Variants in ASXL1 observed in about 807,000 individuals in gnomAD.
ASXL1 encodes polycomb group protein ASXL1.
Under a neutral mutation model 89.1 loss-of-function variants are expected in ASXL1, and 65 were observed. The ratio of observed to expected loss-of-function variants is 0.73; its 90% CI spans 0.60 to 0.90. The LOEUF is 0.90. Among genes scored for constraint, ASXL1 ranks in the 40% least tolerant of loss-of-function variants. ASXL1 has a pLI of 0.00. For missense variants in ASXL1, 1,786 were observed against 1,942.9 expected (o/e 0.92, Z 1.52); for synonymous variants, 739 against 746.9 (o/e 0.99, Z 0.17).
intron 4 of ASXL1, among the ~76,000 whole-genome samples, chr20:32,418,187 A>G (rs1035566033): frequency 1.3e-5 from 2 of 151,816 alleles, no homozygotes; most frequent in Non-Finnish European, 2.9e-5. Flanking sequence ...CAAAAAAATA[A>G]TAATAATAAA....
chr20:32,377,972 CTGTG>C lies in ASXL1; in HGVS notation c.252+8877_252+8880del, dbSNP rs112878923. ...CTGGCCCCAAAATAAAGTTTTGACT[CTGTG>C]TGTGTGTGTGTGTGTGTGTGTGTGT... On this transcript the variant is annotated intron_variant, in intron 4 of 12. Coordinates refer to ENST00000375687, the MANE Select transcript of ASXL1 (RefSeq NM_015338.6). 7.8e-5 allele frequency among the ~76,000 whole-genome samples: 9 copies of C among 115,340 alleles called. No individual in the cohort carries two copies. The East Asian group carries it at 1.2e-3, about 16-fold the overall frequency. The allele number at this position is 115,340 out of a possible 152,430, so 75.7% of individuals were successfully genotyped here.
chr20:32,425,462 T>A (rs1329341474), intron 4 of ASXL1, among the ~76,000 whole-genome samples: 1 of 152,234 alleles, frequency 6.6e-6, no homozygotes, highest in African/African-American at 2.4e-5. Flanking sequence ...GTTTTCAGTG[T>A]ACTTGTTCTA....
chr20:32,415,831 G>C (rs2049129133), intron 4 of ASXL1, among the ~76,000 whole-genome samples: 1 of 151,842 alleles, frequency 6.6e-6, no homozygotes, highest in African/African-American at 2.4e-5. Flanking sequence ...TCATTCTAGT[G>C]AACCCTCAGG....
In ASXL1 at chr20:32,433,605, ATCCTCTGCAGCACCCGACCTGGAGGG is replaced by A; in HGVS notation, c.1411_1436del (p.Ser471ArgfsTer5). ...TGAGCAGTCCCCATCTGCCAGGCACATCCTCTGCAGCACCCGACCTGGAGGGTCCCGAATTCCCAGTTGAGTCTGTG... is the reference window on the plus strand; with the variant it reads ...TGAGCAGTCCCCATCTGCCAGGCACATCCCGAATTCCCAGTTGAGTCTGTG... On this transcript the variant is annotated frameshift_variant, in exon 12 of 13. Transcript: ENST00000375687. LOFTEE classifies it high-confidence loss of function. 6.2e-7 allele frequency: 1 copy of A among 1,614,106 alleles called. No homozygotes were observed. Among genetic ancestry groups the A allele is most frequent in the Non-Finnish European group, 8.5e-7 (1 of 1,179,978 alleles).
At position 32,435,076 on chromosome 20, in the gene ASXL1, A is replaced by G. The variant is rs778794414; in HGVS notation, c.2364A>G (p.Glu788=). The G allele has an allele frequency of 1.2e-6, 2 of 1,613,962 alleles. No homozygotes were observed. Among genetic ancestry groups the G allele is most frequent in the Non-Finnish European group, 1.7e-6 (2 of 1,180,040 alleles). The change falls in exon 13 of 13, where the codon GAA becomes GAG. Residue 788 remains glutamate, a synonymous_variant. Transcript: ENST00000375687. The part of the protein sequence containing the change: ...QPQLHPDVRT[E]CESGTTSWES... ...AGTTGCATCCGGATGTTAGAACTGAATGTGAGTCTGGCACCACTTCCTGGG... is the reference window on the plus strand; with the variant it reads ...AGTTGCATCCGGATGTTAGAACTGAGTGTGAGTCTGGCACCACTTCCTGGG...
Position 32,435,534 on chromosome 20 carries a change from C to T in ASXL1, c.2822C>T (p.Pro941Leu). ...GCTGCTCCCACCCCTCCTGCATTGCCTGGGGATTTGACAGCTGAGGAGGGT... is the reference window on the plus strand; with the variant it reads ...GCTGCTCCCACCCCTCCTGCATTGCTTGGGGATTTGACAGCTGAGGAGGGT... Reference protein sequence around the residue: ...EKAAPTPPALPGDLTAEEGLD... With the variant: ...EKAAPTPPALLGDLTAEEGLD... Residue 941 changes from proline (P) to leucine (L), a missense_variant, in exon 13 of 13, where the codon CCT becomes CTT. Coordinates refer to ENST00000375687, the MANE Select transcript of ASXL1 (RefSeq NM_015338.6). 1 of 1,614,086 alleles carries T rather than the reference C, an allele frequency of 6.2e-7. No homozygotes were observed. Among genetic ancestry groups the T allele is most frequent in the South Asian group, 1.1e-5 (1 of 91,088 alleles).
At chr20:32,365,869 G>A (rs1404382242) in intron 1 of ASXL1, among the ~76,000 whole-genome samples, 8 of 152,282 alleles carry the variant, frequency 5.3e-5, no homozygotes, top group East Asian at 3.9e-4. Flanking sequence ...TTGGCCAGGC[G>A]TGGTGGCTCA....
Position 32,435,209 on chromosome 20 carries a change from A to T in ASXL1, c.2497A>T (p.Ser833Cys). The part of the protein sequence containing the change: ...LEKGTGQALD[S>C]HPTMKDPVNV... ...GAAAGGAACTGGCCAAGCTCTTGAC[A>T]GTCATCCCACTATGAAGGATCCTGT... Residue 833 changes from serine to cysteine, a missense_variant, in exon 13 of 13, where the codon AGT becomes TGT. This residue lies in a region of ASXL1 where 1,418 missense variants were observed against 1,427.8 expected (regional missense o/e 0.99). Coordinates refer to ENST00000375687, the MANE Select transcript of ASXL1 (RefSeq NM_015338.6). The T allele has an allele frequency of 6.2e-7, 1 of 1,614,044 alleles. No homozygotes were observed. Among genetic ancestry groups the T allele is most frequent in the Non-Finnish European group, 8.5e-7 (1 of 1,180,018 alleles).
At position 32,428,355 on chromosome 20, in the gene ASXL1, C is replaced by G. The variant is rs746954131; in HGVS notation, c.404C>G (p.Ser135Cys). ...VSLDETSSNA[S>C]CSTESQSRPL... Reference sequence around the variant, plus strand: ...CTTGATGAAACATCTTCGAACGCATCCTGTTCTACAGAATCTCAGAGTCGA... The same window carrying G: ...CTTGATGAAACATCTTCGAACGCATGCTGTTCTACAGAATCTCAGAGTCGA... Residue 135 changes from serine (S) to cysteine (C), a missense_variant, in exon 6 of 13, where the codon TCC (serine) becomes TGC (cysteine). Ser to Cys is a moderately radical substitution (Grantham distance 112). Coordinates refer to ENST00000375687, the MANE Select transcript of ASXL1 (RefSeq NM_015338.6). 35 of 1,614,024 alleles carry G rather than the reference C, an allele frequency of 2.2e-5. No homozygotes were observed. The highest frequency in any genetic ancestry group is 2.9e-5 in the Non-Finnish European group (34 of 1,180,024).
In ASXL1 at chr20:32,429,859, G is replaced by T. The variant is rs762894913; in HGVS notation, c.566-42G>T. The T allele has an allele frequency of 1.2e-6, 2 of 1,601,588 alleles. No individual in the cohort carries two copies. The highest frequency in any genetic ancestry group is 8.5e-7 in the Non-Finnish European group (1 of 1,177,750). On this transcript the variant is annotated intron_variant, in intron 7 of 12. Transcript: ENST00000375687. The surrounding 1 kb of genome is among the most constrained non-coding windows in gnomAD (Gnocchi z 4.9). Reference sequence around the variant, plus strand: ...GAGCTTGTCTGAGAGCCATGGGCGCGGCTTGGTGATACTTTTGACCAGTGG... The same window carrying T: ...GAGCTTGTCTGAGAGCCATGGGCGCTGCTTGGTGATACTTTTGACCAGTGG...
At chr20:32,365,611 T>C (rs1278420268) in intron 1 of ASXL1, among the ~76,000 whole-genome samples, 1 of 152,218 alleles carries the variant, frequency 6.6e-6, no homozygotes, top group Non-Finnish European at 1.5e-5. Flanking sequence ...TTTTTCTTCC[T>C]TTAGAAGAAT....
intron 3 of ASXL1, among the ~76,000 whole-genome samples, chr20:32,368,121 C>T (rs1044647109): frequency 4.6e-5 from 7 of 152,048 alleles, no homozygotes; most frequent in African/African-American, 1.7e-4. Flanking sequence ...AAGAGGCTTA[C>T]TTAAGCTATT....
intron 4 of ASXL1, among the ~76,000 whole-genome samples, chr20:32,424,796 T>TA (rs2011226776): frequency 6.6e-6 from 1 of 152,218 alleles, no homozygotes; most frequent in South Asian, 2.1e-4. Flanking sequence ...TTTTTGTTTT[T>TA]AAACTTTTAT....
At position 32,428,138 on chromosome 20, in the gene ASXL1, T is replaced by A; in HGVS notation, c.263T>A (p.Leu88Gln). 1 of 1,613,514 alleles carries A rather than the reference T, an allele frequency of 6.2e-7. No individual in the cohort carries two copies. The highest frequency in any genetic ancestry group is 1.1e-5 in the South Asian group (1 of 91,032). ...ISLFTLKKDALQWSRHPATVE... is the reference protein window; with the variant it reads ...ISLFTLKKDAQQWSRHPATVE... ...ACCTTGCTGTCACAGAAGGATGCCC[T>A]GCAGTGGTCTCGCCATCCAGCTACA... is the stretch of plus-strand genomic sequence containing the variant. Residue 88 changes from leucine to glutamine, a missense_variant, in exon 5 of 13, where the codon CTG becomes CAG. Physicochemically the swap from Leu to Gln is moderately radical, Grantham distance 113. Coordinates refer to ENST00000375687, the MANE Select transcript of ASXL1 (RefSeq NM_015338.6).
chr20:32,397,267 T>C (rs901256661), intron 4 of ASXL1, among the ~76,000 whole-genome samples: 1 of 135,736 alleles, frequency 7.4e-6, no homozygotes, highest in Non-Finnish European at 1.6e-5. Context: ...TTTTTTTTTT[T>C]TTTTTTTTTT....
rs556340171 is a variant in ASXL1 at position 32,418,849 on chromosome 20, T to C, written c.253-9279T>C. Among the ~76,000 whole-genome samples the C allele has an allele frequency of 6.0e-3, 586 of 98,114 alleles. 3 individuals carry two copies. The highest frequency in any genetic ancestry group is 0.02 in the Middle Eastern group (3 of 148). The allele number at this position is 98,114 out of a possible 152,430, so 64.4% of individuals were successfully genotyped here. On this transcript the variant is annotated intron_variant, in intron 4 of 12. Transcript: ENST00000375687. The stretch of plus-strand genomic sequence containing the variant: ...TTTTTTTTTTTTTTTTTTTTTTTTT[T>C]TGAGACGGAGTCTTGCTCTGTCACC...
chr20:32,420,529 T>C (rs2049223973), intron 4 of ASXL1, among the ~76,000 whole-genome samples: 1 of 152,210 alleles, frequency 6.6e-6, no homozygotes, highest in Non-Finnish European at 1.5e-5. Flanking sequence ...CTAGTTACCT[T>C]GCCAAACTAG....
intron 4 of ASXL1, among the ~76,000 whole-genome samples, chr20:32,377,909 TC>T (rs1280085035): frequency 6.6e-6 from 1 of 151,404 alleles, no homozygotes; most frequent in Non-Finnish European, 1.5e-5. Flanking sequence ...TGCCTCAGCC[TC>T]CCAAAGTCCT....
chr20:32,434,894 G>T lies in ASXL1; in HGVS notation c.2182G>T (p.Glu728Ter). Residue 728 changes from glutamate (E) to a stop codon, truncating the protein, a stop_gained, in exon 13 of 13, where the codon GAA (glutamate) becomes TAA (stop). Transcript: ENST00000375687. LOFTEE classifies it low-confidence loss of function (END_TRUNC). ...GGACCTGCCTTCTCTGAGAAAGGAG[G>T]AAAGCTGCCTACTACAGAGGGCTAC... is the stretch of plus-strand genomic sequence containing the variant. ...REDLPSLRKE[E>*]SCLLQRATVG... The T allele has an allele frequency of 6.2e-7, 1 of 1,614,192 alleles. No individual in the cohort carries two copies. The highest frequency in any genetic ancestry group is 8.5e-7 in the Non-Finnish European group (1 of 1,180,022).
Sources: allele counts gnomAD v4.1 joint callset (sites outside exome capture counted in the v4.1 genomes callset), GRCh38; gene constraint gnomAD v4.1.1; regional missense constraint gnomAD v4.1.1; non-coding constraint Gnocchi (gnomAD v3.1); transcripts MANE v1.5; gene names NCBI Gene and HGNC (gene_info 2026-07-23, HGNC 2026-07-21).